PRIM2: variants seen among roughly 807,000 people sequenced by gnomAD.
The protein encoded by PRIM2 is DNA primase large subunit.
In PRIM2, 39 loss-of-function variants were observed where a neutral mutation model predicts 67.3. The ratio of observed to expected loss-of-function variants is 0.58; its 90% CI spans 0.45 to 0.76. The LOEUF is 0.76. PRIM2 is among the 30% of genes least tolerant of loss of function. The pLI is 0.00. For synonymous variants in PRIM2, 143 were observed against 198.7 expected (o/e 0.72, Z 2.36); for missense variants, 398 against 598.7 (o/e 0.66, Z 3.50).
At chr6:57,465,140 A>T (rs1453081798) in intron 7 of PRIM2, among the ~76,000 whole-genome samples, 3 of 152,132 alleles carry the variant, frequency 2.0e-5, no homozygotes, top group Non-Finnish European at 2.9e-5. Context: ...CACTTATTAG[A>T]TGCTACCCAG....
intron 7 of PRIM2, among the ~76,000 whole-genome samples, chr6:57,460,153 T>A (rs1267139719): frequency 6.6e-6 from 1 of 150,998 alleles, no homozygotes; most frequent in African/African-American, 2.4e-5. Flanking sequence ...AGACCAGGGG[T>A]CTATTTTTTT....
At chr6:57,470,845 T>C (rs1247421887) in intron 7 of PRIM2, among the ~76,000 whole-genome samples, 1 of 152,124 alleles carries the variant, frequency 6.6e-6, no homozygotes, top group Non-Finnish European at 1.5e-5. Context: ...CTTCTCAGCG[T>C]TTGGCACTTT....
chr6:57,615,490 A>G (rs1776739698), intron 12 of PRIM2, among the ~76,000 whole-genome samples: 1 of 152,046 alleles, frequency 6.6e-6, no homozygotes, highest in Admixed American at 6.6e-5. Context: ...CATTGGCTTT[A>G]AATGGTTTGT....
chr6:57,381,400 C>G (rs1654415402), intron 6 of PRIM2, among the ~76,000 whole-genome samples: 1 of 152,058 alleles, frequency 6.6e-6, no homozygotes, highest in Admixed American at 6.6e-5. Context: ...TTACAGTTTA[C>G]TAATATCATA....
At chr6:57,394,071 G>A (rs1389898556) in intron 7 of PRIM2, among the ~76,000 whole-genome samples, 1 of 152,170 alleles carries the variant, frequency 6.6e-6, no homozygotes, top group Non-Finnish European at 1.5e-5. Flanking sequence ...ATGGCCTATA[G>A]TATAGTTTGA....
At chr6:57,438,336 CTT>C (rs1772083072) in intron 7 of PRIM2, among the ~76,000 whole-genome samples, 2 of 152,028 alleles carry the variant, frequency 1.3e-5, no homozygotes, top group Admixed American at 1.3e-4. Flanking sequence ...TTTACATACT[CTT>C]GAATCTGAGG....
At chr6:57,333,952 A>G (rs183883097) in intron 5 of PRIM2, among the ~76,000 whole-genome samples, 4 of 152,342 alleles carry the variant, frequency 2.6e-5, no homozygotes, top group East Asian at 3.9e-4. Context: ...TTTCATCAAT[A>G]CAGTTTGTTG....
the PRIM2 span, among the ~76,000 whole-genome samples, chr6:57,225,768 G>C: frequency 1.3e-5 from 2 of 152,116 alleles, no homozygotes; most frequent in African/African-American, 4.8e-5. Context: ...TTCCAAGAAA[G>C]AAAGCTTTGA....
intron 7 of PRIM2, among the ~76,000 whole-genome samples, chr6:57,419,316 T>C (rs1447290838): frequency 1.3e-5 from 2 of 151,958 alleles, no homozygotes; most frequent in Non-Finnish European, 1.5e-5. Context: ...ATTCAAAGGG[T>C]ATGTTGAACT....
intron 10 of PRIM2, among the ~76,000 whole-genome samples, chr6:57,578,187 C>T (rs1248868821): frequency 2.8e-4 from 43 of 151,894 alleles, no homozygotes; most frequent in Admixed American, 5.9e-4. Flanking sequence ...GATATCAACA[C>T]TTATTACTTA....
intron 10 of PRIM2, 119 bp downstream of exon 10, chr6:57,537,744 A>G: frequency 1.9e-6 from 1 of 514,576 alleles, no homozygotes; most frequent in South Asian, 8.4e-5. Flanking sequence ...TTCTAAAAGG[A>G]TAAATGTGTT....
the PRIM2 span, among the ~76,000 whole-genome samples, chr6:57,278,990 C>T: frequency 1.3e-5 from 2 of 152,158 alleles, no homozygotes. Flanking sequence ...TTCTGTTATG[C>T]TTATTTTATG....
chr6:57,349,315 TG>T (rs1768783401), intron 5 of PRIM2, among the ~76,000 whole-genome samples: 1 of 151,228 alleles, frequency 6.6e-6, no homozygotes, highest in Non-Finnish European at 1.5e-5. Context: ...GAAACACCAA[TG>T]CACACACCGT....
intron 5 of PRIM2, among the ~76,000 whole-genome samples, chr6:57,354,517 CCTT>C (rs1768965468): frequency 1.3e-5 from 2 of 152,002 alleles, no homozygotes; most frequent in African/African-American, 4.8e-5. Context: ...CACCGTTTCA[CCTT>C]CTTAAACCTA....
the PRIM2 span, among the ~76,000 whole-genome samples, chr6:57,240,961 A>G: frequency 6.6e-6 from 1 of 151,966 alleles, no homozygotes; most frequent in African/African-American, 2.4e-5. Flanking sequence ...TCAGTGACTC[A>G]AGCCTGTAAT....
chr6:57,627,279 C>CAAAAAAAAAAAAAAAAAA (rs1158722297), intron 12 of PRIM2, among the ~76,000 whole-genome samples: 1 of 24,536 alleles, frequency 4.1e-5, no homozygotes, highest in African/African-American at 1.2e-4. Flanking sequence ...GACTCTGTCT[C>CAAAAAAAAAAAAAAAAAA]AAAAAAAAAA....
At chr6:57,456,422 C>G (rs1411615258) in intron 7 of PRIM2, among the ~76,000 whole-genome samples, 10 of 152,280 alleles carry the variant, frequency 6.6e-5, no homozygotes, top group Non-Finnish European at 1.3e-4. Context: ...TTCAGGTACA[C>G]CAATCACACG....
At chr6:57,287,393 A>C in the PRIM2 span, among the ~76,000 whole-genome samples, 4,916 of 152,334 alleles carry the variant, frequency 0.032, 269 homozygotes, top group African/African-American at 0.11. Context: ...GATAAAGAAA[A>C]TGTGGCACAT....
At chr6:57,290,292 C>T in the PRIM2 span, among the ~76,000 whole-genome samples, 4 of 151,990 alleles carry the variant, frequency 2.6e-5, no homozygotes, top group African/African-American at 9.7e-5. Context: ...ATCAATTCAA[C>T]AAGAAGAGCT....
Sources: allele counts gnomAD v4.1 joint callset (sites outside exome capture counted in the v4.1 genomes callset), GRCh38; gene constraint gnomAD v4.1.1; transcripts MANE v1.5; gene names NCBI Gene and HGNC (gene_info 2026-07-23, HGNC 2026-07-21).